Variants in DAB1 observed in about 807,000 individuals in gnomAD.
The protein encoded by DAB1 is disabled homolog 1.
A neutral mutation model predicts 64.6 loss-of-function variants in DAB1; 15 were observed. That is an observed-to-expected ratio of 0.23 (90% CI 0.16 to 0.36). The LOEUF is 0.36. Ranked by LOEUF, DAB1 falls within the 10% of genes least tolerant of loss-of-function variation. DAB1 has a pLI of 1.00. For synonymous variants in DAB1, 235 were observed against 251.9 expected (o/e 0.93, Z 0.64); for missense variants, 596 against 706.7 (o/e 0.84, Z 1.78).
intron 5 of DAB1, among the ~76,000 whole-genome samples, chr1:58,110,857 G>GT (rs1474958540): frequency 6.6e-6 from 1 of 152,206 alleles, no homozygotes; most frequent in Admixed American, 6.5e-5. Flanking sequence ...TTGCTGGGGA[G>GT]TTAAGTTTGC....
chr1:58,525,494 T>G (rs1260644964), intron 2 of DAB1, among the ~76,000 whole-genome samples: 4 of 152,092 alleles, frequency 2.6e-5, no homozygotes, highest in Non-Finnish European at 5.9e-5. Context: ...ATCAAACACT[T>G]AGCAATAAAT....
rs576234150 is a variant in DAB1, at chr1:58,543,211, T to C, written n.32+3492A>G. The stretch of plus-strand genomic sequence containing the variant: ...TGAGTTTCTGTATTCTGCAAATAAA[T>C]GATCTCTAAGACGTTTACATGGTAT... On this transcript the variant is annotated intron_variant and non_coding_transcript_variant, in intron 1 of 20. Coordinates refer to the DAB1 transcript ENST00000485760. Among the ~76,000 whole-genome samples the C allele has an allele frequency of 5.9e-5, 9 of 152,334 alleles. No homozygotes were observed. The South Asian group carries it at 1.4e-3, about 25-fold the overall frequency.
At chr1:57,299,182 A>G (rs896163407) in intron 1 of DAB1, among the ~76,000 whole-genome samples, 1 of 152,214 alleles carries the variant, frequency 6.6e-6, no homozygotes, top group Non-Finnish European at 1.5e-5. Flanking sequence ...TTGAAAGATA[A>G]ATAAGTGGGA....
chr1:58,095,000 C>A lies in DAB1; in HGVS notation n.387+55511G>T, dbSNP rs114997011. ...AGAGAAGCATTTTAGGTTTTTGGGA[C>A]CTTACAGTCTCTATTGCAACTGCCC... On this transcript the variant is annotated intron_variant and non_coding_transcript_variant, in intron 5 of 20. Coordinates refer to the DAB1 transcript ENST00000485760. 2.6e-5 allele frequency among the ~76,000 whole-genome samples: 4 copies of A among 152,132 alleles called. No homozygotes were observed. The South Asian group carries it at 6.2e-4, about 24-fold the overall frequency.
chr1:58,401,678 T>C (rs1644569339), intron 3 of DAB1, among the ~76,000 whole-genome samples: 1 of 152,196 alleles, frequency 6.6e-6, no homozygotes. Flanking sequence ...GAAGAAAACT[T>C]GATGAAGGTT....
chr1:57,864,241 T>C (rs1221189200), intron 1 of DAB1, among the ~76,000 whole-genome samples: 1 of 152,068 alleles, frequency 6.6e-6, no homozygotes, highest in East Asian at 1.9e-4. Flanking sequence ...ACAAGGCCTG[T>C]TAGGGAATTG....
chr1:58,301,251 TTAAC>T (rs1465088858), intron 4 of DAB1, among the ~76,000 whole-genome samples: 3 of 150,378 alleles, frequency 2.0e-5, no homozygotes, highest in African/African-American at 7.4e-5. Context: ...GGTCATGAAA[TTAAC>T]TAAGTCAATA....
chr1:57,428,937 G>A (rs1161407850), upstream of DAB1, among the ~76,000 whole-genome samples: 2 of 147,966 alleles, frequency 1.4e-5, no homozygotes, highest in South Asian at 2.1e-4. Context: ...TTTTGAGACA[G>A]GGTCTCACTC....
intron 13 of DAB1, 46 bp downstream of exon 13, chr1:57,011,099 T>C (rs867697427): frequency 6.2e-7 from 1 of 1,612,166 alleles, no homozygotes; most frequent in East Asian, 2.2e-5. Flanking sequence ...TACAGAGGTC[T>C]TAATTTTAAG....
At chr1:57,775,201 TTTTCC>T (rs1305598297) in intron 6 of DAB1, among the ~76,000 whole-genome samples, 101 of 151,596 alleles carry the variant, frequency 6.7e-4, no homozygotes, top group South Asian at 3.3e-3. Flanking sequence ...TTTATTGACC[TTTTCC>T]AAGAACCAAT....
intron 1 of DAB1, among the ~76,000 whole-genome samples, chr1:57,385,914 C>A (rs1681775875): frequency 6.6e-6 from 1 of 152,112 alleles, no homozygotes; most frequent in Admixed American, 6.5e-5. Flanking sequence ...TAAATGTGTC[C>A]TTAGCTGCCT....
chr1:57,341,425 C>T (rs1382711585), intron 1 of DAB1, among the ~76,000 whole-genome samples: 1 of 152,198 alleles, frequency 6.6e-6, no homozygotes, highest in Non-Finnish European at 1.5e-5. Context: ...TTTGCCTACC[C>T]TATGCCTATA....
rs1034320232 is a variant in DAB1, at chr1:57,100,850, G to T, written c.307-28436C>A. Among the ~76,000 whole-genome samples, 13 of 152,044 alleles carry T rather than the reference G, an allele frequency of 8.6e-5. No individual in the cohort carries two copies. The South Asian group carries it at 1.5e-3, about 17-fold the overall frequency. ...GGTGTGCTTGGGAAATAAGATCCAT[G>T]GTGGACATGAGGCAGGAGAGAAAAG... On this transcript the variant is annotated intron_variant, in intron 4 of 14. Coordinates refer to ENST00000371236, the MANE Select transcript of DAB1 (RefSeq NM_001365792.1).
chr1:58,475,504 A>G (rs1645410471), intron 3 of DAB1, among the ~76,000 whole-genome samples: 1 of 151,458 alleles, frequency 6.6e-6, no homozygotes, highest in Non-Finnish European at 1.5e-5. Context: ...ACACACACAC[A>G]CGAATCAGAC....
chr1:58,060,752 G>A (rs1398481767), intron 5 of DAB1, among the ~76,000 whole-genome samples: 1 of 152,248 alleles, frequency 6.6e-6, no homozygotes, highest in African/African-American at 2.4e-5. Context: ...TCGGCTTTCT[G>A]GGCCAGCAGC....
chr1:57,448,547 A>G (rs1209179622), intron 7 of DAB1, among the ~76,000 whole-genome samples: 1 of 152,222 alleles, frequency 6.6e-6, no homozygotes, highest in Non-Finnish European at 1.5e-5. Context: ...AATAATCACA[A>G]GATTTGTCAC....
intron 3 of DAB1, among the ~76,000 whole-genome samples, chr1:58,479,537 A>G (rs746264716): frequency 1.7e-4 from 26 of 152,188 alleles, no homozygotes; most frequent in Non-Finnish European, 2.5e-4. Flanking sequence ...CTACTCTCCT[A>G]CACTGCCTCA....
intron 7 of DAB1, among the ~76,000 whole-genome samples, chr1:57,560,266 T>C (rs1452890684): frequency 6.6e-6 from 1 of 152,280 alleles, no homozygotes; most frequent in Admixed American, 6.5e-5. Context: ...GATCACTTTT[T>C]GCTTCCGCAA....
intron 4 of DAB1, among the ~76,000 whole-genome samples, chr1:58,275,425 A>G (rs116349389): frequency 0.014 from 2,114 of 152,306 alleles, 20 homozygotes; most frequent in Middle Eastern, 0.031. Flanking sequence ...TAAATCATAT[A>G]TCTGATACAG....
Sources: gnomAD v4.1 joint callset for allele counts (sites outside exome capture counted in the v4.1 genomes callset) on GRCh38, gnomAD v4.1.1 for gene constraint, MANE v1.5 for transcripts, NCBI Gene and HGNC (gene_info 2026-07-23, HGNC 2026-07-21) for gene names.